CD163L1: variants seen among roughly 807,000 people sequenced by gnomAD.
CD163L1 encodes scavenger receptor cysteine-rich type 1 protein M160.
Under a neutral mutation model 165.4 loss-of-function variants are expected in CD163L1, and 124 were observed. The observed-to-expected ratio is 0.75, with a 90% CI of 0.65 to 0.87. The LOEUF is 0.87. Ranked by LOEUF, CD163L1 falls within the 40% of genes least tolerant of loss-of-function variation. The pLI is 0.00. For synonymous variants in CD163L1, 585 were observed against 662.2 expected, an observed-to-expected ratio of 0.88 and a Z score of 1.79; for missense variants, 1,525 against 1,799.9, an observed-to-expected ratio of 0.85 and a Z score of 2.76.
intron 4 of CD163L1, among the ~76,000 whole-genome samples, chr12:7,419,585 T>C (rs138145509): frequency 1.7e-3 from 260 of 152,150 alleles, no homozygotes; most frequent in Middle Eastern, 6.8e-3. Flanking sequence ...CTTGCTGATA[T>C]GATCATATAC....
chr12:7,324,314 T>C, the CD163L1 span: 2 of 1,613,702 alleles, frequency 1.2e-6, no homozygotes, highest in African/African-American at 2.7e-5. Flanking sequence ...GAGGAGATTT[T>C]TATGTCACTG....
At chr12:7,442,155 T>G (rs1002603890) in intron 1 of CD163L1, among the ~76,000 whole-genome samples, 4 of 152,198 alleles carry the variant, frequency 2.6e-5, no homozygotes, top group African/African-American at 9.7e-5. Flanking sequence ...ATAATATTTA[T>G]CATCCTGTTT....
intron 8 of CD163L1, among the ~76,000 whole-genome samples, chr12:7,391,012 A>T (rs998137701): frequency 1.3e-5 from 2 of 152,194 alleles, no homozygotes; most frequent in Non-Finnish European, 2.9e-5. Context: ...AGTGTGATCA[A>T]CGCAGAAGAC....
rs1377562653 is a variant in CD163L1, at chr12:7,368,928, T to C, written c.4072+5A>G. ...GTGTCAGCACTGATAGGCAGAAGAC[T>C]ATACCTGAGGAGGCATTCAGTGATT... On this transcript the variant is annotated splice_donor_5th_base_variant and intron_variant, in intron 16 of 19. Transcript: ENST00000313599. This position sits in a 1 kb window ranked among gnomAD's most constrained non-coding sequence, Gnocchi z 4.3. The C allele has an allele frequency of 6.2e-7, 1 of 1,613,750 alleles. No individual in the cohort carries two copies. The highest frequency in any genetic ancestry group is 8.5e-7 in the Non-Finnish European group (1 of 1,179,870).
At chr12:7,354,377 A>T (rs1946735521), downstream of CD163L1, among the ~76,000 whole-genome samples, 1 of 152,150 alleles carries the variant, frequency 6.6e-6, no homozygotes, top group Non-Finnish European at 1.5e-5. Context: ...GCAATTGAGC[A>T]AAGCTGTCAT....
chr12:7,416,805 G>A (rs1432432706), intron 4 of CD163L1, among the ~76,000 whole-genome samples: 1 of 152,150 alleles, frequency 6.6e-6, no homozygotes, highest in East Asian at 1.9e-4. Context: ...GTACCATGCT[G>A]TTTCAGTTAC....
At chr12:7,349,913 A>G (rs932644680) in intron 4 of CD163L1, among the ~76,000 whole-genome samples, 12 of 152,100 alleles carry the variant, frequency 7.9e-5, no homozygotes, top group Non-Finnish European at 2.9e-5. Context: ...TTATACATGA[A>G]ACTGACATAG....
chr12:7,398,383 G>C lies in CD163L1; in HGVS notation c.1610C>G (p.Pro537Arg), dbSNP rs368191587. The C allele has an allele frequency of 1.2e-6, 2 of 1,614,166 alleles. No individual in the cohort carries two copies. The highest frequency in any genetic ancestry group is 1.1e-5 in the South Asian group (1 of 91,076). Residue 537 changes from proline (P) to arginine (R), a missense_variant, in exon 7 of 20, where the codon CCT becomes CGT. Physicochemically the swap from Pro to Arg is moderately radical, Grantham distance 103. Transcript: ENST00000313599. This position sits in a 1 kb window ranked among gnomAD's most constrained non-coding sequence, Gnocchi z 4.5. ...GMTYFKEASG[P>R]IWLDDVSCIG... ...GCAAGAAACGTCATCCAGCCAAATAGGTCCTGATGCTTCTTTAAAATAGGT... is the reference window on the plus strand; with the variant it reads ...GCAAGAAACGTCATCCAGCCAAATACGTCCTGATGCTTCTTTAAAATAGGT...
chr12:7,409,590 TG>T, intron 4 of CD163L1, among the ~76,000 whole-genome samples: 1 of 152,274 alleles, frequency 6.6e-6, no homozygotes, highest in Non-Finnish European at 1.5e-5. Context: ...CTATCAGTAA[TG>T]CTCTCTTGCC....
At chr12:7,336,829 T>A in the CD163L1 span, among the ~76,000 whole-genome samples, 1 of 152,062 alleles carries the variant, frequency 6.6e-6, no homozygotes, top group African/African-American at 2.4e-5. Flanking sequence ...ACTTTAAAGT[T>A]CATATGGATC....
At chr12:7,424,669 C>T (rs764908529) in intron 4 of CD163L1, among the ~76,000 whole-genome samples, 2 of 152,300 alleles carry the variant, frequency 1.3e-5, no homozygotes, top group African/African-American at 4.8e-5. Context: ...GCAAAAATCA[C>T]AAGCATTCCT....
chr12:7,411,571 T>C (rs1379371830), intron 4 of CD163L1, among the ~76,000 whole-genome samples: 1 of 152,206 alleles, frequency 6.6e-6, no homozygotes, highest in African/African-American at 2.4e-5. Flanking sequence ...TTGCTTCCTC[T>C]TTCCATGTGA....
intron 14 of CD163L1, among the ~76,000 whole-genome samples, chr12:7,371,728 C>T (rs1947150127): frequency 6.6e-6 from 1 of 151,824 alleles, no homozygotes; most frequent in Non-Finnish European, 1.5e-5. Context: ...CTTGAATTTT[C>T]TAGATGGCCA....
At chr12:7,421,640 C>CATAT (rs1555202528) in intron 4 of CD163L1, among the ~76,000 whole-genome samples, 2 of 70,832 alleles carry the variant, frequency 2.8e-5, no homozygotes, top group South Asian at 1.0e-3. Flanking sequence ...CATATATGTA[C>CATAT]ACATATACAT....
rs748189501 is a variant in CD163L1, at chr12:7,374,518, G to C, written c.3333C>G (p.His1111Gln). 11 of 1,614,242 alleles carry C rather than the reference G, an allele frequency of 6.8e-6. No individual in the cohort carries two copies. In the East Asian group the frequency reaches 2.5e-4, roughly 36 times the overall value. ...AGCCGCGGGAAGGGCACTGCCACAA[G>C]TGGGACTCCATTCCTGTGCAGTTCA... Reference protein sequence around the residue: ...DDLNCTGMESHLWQCPSRGWG... With the variant: ...DDLNCTGMESQLWQCPSRGWG... The change falls in exon 13 of 20, where the codon CAC (histidine) becomes CAG (glutamine). Residue 1111 changes from histidine (H) to glutamine (Q), a missense_variant. By Grantham distance (24) the His-to-Gln change is conservative. Transcript: ENST00000313599. This position sits in a 1 kb window ranked among gnomAD's most constrained non-coding sequence, Gnocchi z 5.4.
At chr12:7,366,619 T>C (rs1459406008) in intron 18 of CD163L1, among the ~76,000 whole-genome samples, 3 of 152,194 alleles carry the variant, frequency 2.0e-5, no homozygotes, top group Non-Finnish European at 4.4e-5. Flanking sequence ...TGAAACTATT[T>C]AGTATCAGTG....
chr12:7,433,020 G>A (rs1194585171), intron 3 of CD163L1, among the ~76,000 whole-genome samples: 1 of 151,982 alleles, frequency 6.6e-6, no homozygotes, highest in Non-Finnish European at 1.5e-5. Context: ...TTCTGTTAGT[G>A]TACCTGGTAC....
chr12:7,394,388 A>C (rs1457262629), intron 8 of CD163L1, among the ~76,000 whole-genome samples: 13 of 152,170 alleles, frequency 8.5e-5, no homozygotes, highest in Non-Finnish European at 1.6e-4. Context: ...CTGGCTAGCC[A>C]TATGTAGAAA....
chr12:7,370,260 C>T (rs762360869), intron 14 of CD163L1, among the ~76,000 whole-genome samples: 1 of 152,294 alleles, frequency 6.6e-6, no homozygotes, highest in African/African-American at 2.4e-5. Flanking sequence ...CTCCTTTAAG[C>T]CGGTTCCTGA....
Sources: gnomAD v4.1 joint callset for allele counts (sites outside exome capture counted in the v4.1 genomes callset) on GRCh38, gnomAD v4.1.1 for gene constraint, Gnocchi (gnomAD v3.1) non-coding constraint, MANE v1.5 for transcripts, NCBI Gene and HGNC (gene_info 2026-07-23, HGNC 2026-07-21) for gene names.